SLC3A1: variants seen among roughly 807,000 people sequenced by gnomAD.
SLC3A1 encodes the protein solute carrier family 3 member 1.
Under a neutral mutation model 60.3 loss-of-function variants are expected in SLC3A1, and 78 were observed. That is an observed-to-expected ratio of 1.29 (90% CI 1.08 to 1.56). The LOEUF (loss-of-function observed/expected upper bound fraction) is 1.56, where lower values mean the gene tolerates loss of function less well. SLC3A1 is among the 40% of genes most tolerant of loss of function. SLC3A1 has a pLI of 0.00. For missense variants in SLC3A1, 1,172 were observed against 858.9 expected, an observed-to-expected ratio of 1.36 and a Z score of -4.56; for synonymous variants, 392 against 307.9, an observed-to-expected ratio of 1.27 and a Z score of -2.86.
At position 44,303,938 on chromosome 2, in the gene SLC3A1, C is replaced by T. The variant is rs113839481; in HGVS notation, c.1137-205C>T. Reference sequence around the variant, plus strand: ...TCCTTTTTTATGGCTGCATAGTATTCCATGGTGTGTATGTGCCACATTTTC... The same window carrying T: ...TCCTTTTTTATGGCTGCATAGTATTTCATGGTGTGTATGTGCCACATTTTC... On this transcript the variant is annotated intron_variant, in intron 6 of 9. Transcript: ENST00000260649. 54 of 648,602 alleles carry T rather than the reference C, an allele frequency of 8.3e-5. No homozygotes were observed. The Admixed American group carries it at 1.0e-3, about 12-fold the overall frequency. The allele number at this position is 648,602 out of a possible 1,614,324, so 40.2% of individuals were successfully genotyped here. A position where few individuals can be genotyped will look rare whatever the true frequency, so the allele number is the denominator to read the frequency against.
chr2:44,285,832 G>A lies in SLC3A1; in HGVS notation c.766-200G>A, dbSNP rs3768919. The A allele has an allele frequency of 0.67, 469,579 of 699,758 alleles. 161,070 individuals are homozygous for A. The highest frequency in any genetic ancestry group is 0.83 in the African/African-American group (46,863 of 56,460). 43.3% of individuals were successfully genotyped at this position (699,758 alleles called of 1,614,324 possible). On this transcript the variant is annotated intron_variant, in intron 3 of 9. Transcript: ENST00000260649. ...CAAACAGCATCTACTGTAAAAATAC[G>A]TTGCAACCATGTTTGTGAGGCATTA...
chr2:44,313,691 A>T, intron 8 of SLC3A1, 144 bp from the exon 9 acceptor site: 1 of 747,718 alleles, frequency 1.3e-6, no homozygotes, highest in Non-Finnish European at 2.4e-6. Flanking sequence ...CCGAAAGTTG[A>T]GGCCTTTTCA....
At chr2:44,305,232 A>G (rs1475972588) in intron 7 of SLC3A1, among the ~76,000 whole-genome samples, 2 of 151,914 alleles carry the variant, frequency 1.3e-5, no homozygotes, top group African/African-American at 4.8e-5. Flanking sequence ...TCACTTCCAC[A>G]CCCATCAGGG....
chr2:44,320,482 A>G lies in SLC3A1; in HGVS notation c.1901A>G (p.Asp634Gly), dbSNP rs1430017767. Residue 634 changes from aspartate to glycine, a missense_variant, in exon 10 of 10, where the codon GAT becomes GGT. Physicochemically the swap from Asp to Gly is moderately conservative, Grantham distance 94 (BLOSUM62 -1). Coordinates refer to ENST00000260649, the MANE Select transcript of SLC3A1 (RefSeq NM_000341.4). ...TNSADKGSKV[D>G]TSGIFLDKGE... The stretch of plus-strand genomic sequence containing the variant: ...TCTGCCGACAAAGGCAGTAAAGTTG[A>G]TACAAGTGGCATTTTTCTGGACAAG... 1 of 1,614,176 alleles carries G rather than the reference A, an allele frequency of 6.2e-7. No individual in the cohort carries two copies. The highest frequency in any genetic ancestry group is 2.2e-5 in the East Asian group (1 of 44,886).
intron 5 of SLC3A1, 79 bp downstream of exon 5, chr2:44,300,169 A>C: frequency 7.0e-7 from 1 of 1,422,464 alleles, no homozygotes; most frequent in Non-Finnish European, 9.9e-7. Flanking sequence ...AGCCTGAGAT[A>C]CCAGTTACAA....
rs1672914004 is a variant in SLC3A1, at chr2:44,321,259, A to G, written c.*620A>G. ...ACATTTTAAAAAATTAATAACTTAA[A>G]AGTCTCAAGTTATTAATTTTTTTTT... On this transcript the variant is annotated 3_prime_UTR_variant, in exon 10 of 10. Coordinates refer to ENST00000260649, the MANE Select transcript of SLC3A1 (RefSeq NM_000341.4). 5 of 1,044,570 alleles carry G rather than the reference A, an allele frequency of 4.8e-6. No individual in the cohort carries two copies. In the Admixed American group the frequency reaches 1.1e-4, roughly 22 times the overall value. 64.7% of individuals were successfully genotyped at this position (1,044,570 alleles called of 1,614,324 possible). A position where few individuals can be genotyped will look rare whatever the true frequency, so the allele number is the denominator to read the frequency against.
At position 44,320,481 on chromosome 2, in the gene SLC3A1, G is replaced by C. The variant is rs1398255704; in HGVS notation, c.1900G>C (p.Asp634His). ...TNSADKGSKVDTSGIFLDKGE... is the reference protein window; with the variant it reads ...TNSADKGSKVHTSGIFLDKGE... ...TTCTGCCGACAAAGGCAGTAAAGTT[G>C]ATACAAGTGGCATTTTTCTGGACAA... Residue 634 changes from aspartate to histidine, a missense_variant, in exon 10 of 10, where the codon GAT becomes CAT. By Grantham distance (81) the Asp-to-His change is moderately conservative. Coordinates refer to ENST00000260649, the MANE Select transcript of SLC3A1 (RefSeq NM_000341.4). 1 of 1,614,022 alleles carries C rather than the reference G, an allele frequency of 6.2e-7. No individual in the cohort carries two copies. Among genetic ancestry groups the C allele is most frequent in the East Asian group, 2.2e-5 (1 of 44,896 alleles).
Position 44,315,500 on chromosome 2 carries a change from C to T in SLC3A1, c.1617+1549C>T, listed in dbSNP as rs577903917. Among the ~76,000 whole-genome samples the T allele has an allele frequency of 9.6e-3, 688 of 71,702 alleles. 2 individuals carry two copies. Among genetic ancestry groups the T allele is most frequent in the Non-Finnish European group, 0.015 (518 of 35,102 alleles). The allele number at this position is 71,702 out of a possible 152,430, so 47.0% of individuals were successfully genotyped here. On this transcript the variant is annotated intron_variant, in intron 9 of 9. Coordinates refer to ENST00000260649, the MANE Select transcript of SLC3A1 (RefSeq NM_000341.4). ...CTTGTTTCTACCTTCCCCCTACCCC[C>T]GCCAAAAAAAAAAAAAAAGGGAAAT... is the stretch of plus-strand genomic sequence containing the variant.
At chr2:44,310,994 C>G (rs1265136226) in intron 7 of SLC3A1, among the ~76,000 whole-genome samples, 1 of 152,112 alleles carries the variant, frequency 6.6e-6, no homozygotes, top group Non-Finnish European at 1.5e-5. Flanking sequence ...TGGGGTCTCA[C>G]CATGTTGCCC....
At chr2:44,303,722 C>A (rs1390989843) in intron 6 of SLC3A1, 1 of 317,334 alleles carries the variant, frequency 3.2e-6, no homozygotes, top group African/African-American at 2.1e-5. Flanking sequence ...TAATGCTATC[C>A]TTCCCTTAGC....
intron 7 of SLC3A1, among the ~76,000 whole-genome samples, chr2:44,305,361 G>A (rs1480052462): frequency 6.6e-6 from 1 of 151,856 alleles, no homozygotes; most frequent in African/African-American, 2.4e-5. Context: ...AAGTCCCACG[G>A]TAATAGTGGT....
chr2:44,301,057 G>A lies in SLC3A1; in HGVS notation c.1066G>A (p.Gly356Arg), dbSNP rs1320457487. Residue 356 changes from glycine to arginine, a missense_variant, in exon 6 of 10, where the codon GGA becomes AGA. Coordinates refer to ENST00000260649, the MANE Select transcript of SLC3A1 (RefSeq NM_000341.4). Reference protein sequence around the residue: ...LYHDFTTTQVGMHDIVRSFRQ... With the variant: ...LYHDFTTTQVRMHDIVRSFRQ... ...CCATGACTTCACCACCACGCAGGTGGGAATGCACGACATTGTCCGCAGCTT... is the reference window on the plus strand; with the variant it reads ...CCATGACTTCACCACCACGCAGGTGAGAATGCACGACATTGTCCGCAGCTT... The A allele has an allele frequency of 1.9e-6, 3 of 1,614,146 alleles. No individual in the cohort carries two copies. In the South Asian group the frequency reaches 3.3e-5, roughly 18 times the overall value.
intron 4 of SLC3A1, among the ~76,000 whole-genome samples, chr2:44,296,959 C>T (rs1481281021): frequency 6.6e-6 from 1 of 152,158 alleles, no homozygotes. Flanking sequence ...TCGCCTTCTG[C>T]CATGATTGTG....
At chr2:44,314,660 C>G (rs1342833700) in intron 9 of SLC3A1, 1 of 153,086 alleles carries the variant, frequency 6.5e-6, no homozygotes, top group Non-Finnish European at 1.5e-5. Context: ...CCAGGATATT[C>G]AGATATAGAA....
At chr2:44,308,444 T>G (rs1672211131) in intron 7 of SLC3A1, among the ~76,000 whole-genome samples, 1 of 152,258 alleles carries the variant, frequency 6.6e-6, no homozygotes, top group Non-Finnish European at 1.5e-5. Context: ...TCATGCCATC[T>G]TGTCTTCTAA....
intron 1 of SLC3A1, among the ~76,000 whole-genome samples, chr2:44,276,946 G>A (rs1343171006): frequency 6.6e-6 from 1 of 151,984 alleles, no homozygotes; most frequent in Non-Finnish European, 1.5e-5. Flanking sequence ...AATGATAATT[G>A]GTTTGAAGAA....
chr2:44,301,542 C>G (rs112322245), intron 6 of SLC3A1: 20,059 of 315,044 alleles, frequency 0.064, 924 homozygotes, highest in South Asian at 0.16. Flanking sequence ...AGTTTGAGAC[C>G]AGCCTGGCCA....
At chr2:44,303,868 A>G in intron 6 of SLC3A1, 1 of 577,814 alleles carries the variant, frequency 1.7e-6, no homozygotes, top group South Asian at 2.1e-5. Context: ...GCTTAGAATG[A>G]TGGTTTCCAG....
chr2:44,311,268 T>A (rs1377920097), intron 7 of SLC3A1, among the ~76,000 whole-genome samples: 1 of 152,234 alleles, frequency 6.6e-6, no homozygotes, highest in Non-Finnish European at 1.5e-5. Flanking sequence ...TCTTATCTAT[T>A]TGATAACTGT....
Sources: allele counts gnomAD v4.1 joint callset (sites outside exome capture counted in the v4.1 genomes callset), GRCh38; gene constraint gnomAD v4.1.1; transcripts MANE v1.5; gene names NCBI Gene and HGNC (gene_info 2026-07-23, HGNC 2026-07-21).